The following LARGE1 variants were observed in gnomAD, a reference collection of about 807,000 sequenced individuals.
LARGE1 encodes the protein LARGE xylosyl- and glucuronyltransferase 1.
A neutral mutation model predicts 87.6 loss-of-function variants in LARGE1; 43 were observed. The observed-to-expected ratio is 0.49, with a 90% confidence interval of 0.38 to 0.63. The LOEUF (loss-of-function observed/expected upper bound fraction) is 0.63, where lower values mean the gene tolerates loss of function less well. Ranked by LOEUF, LARGE1 falls within the 30% of genes least tolerant of loss-of-function variation. LARGE1 has a pLI of 0.00. For missense variants in LARGE1, 802 were observed against 1,000.2 expected (o/e 0.80, Z 2.67); for synonymous variants, 434 against 394.6 (o/e 1.10, Z -1.18).
At position 33,655,366 on chromosome 22, in the gene LARGE1, G is replaced by A. The variant is rs150693505; in HGVS notation, c.107-4698C>T. Among the ~76,000 whole-genome samples the A allele has an allele frequency of 2.3e-3, 347 of 152,150 alleles. 3 individuals are homozygous for A. Among genetic ancestry groups the A allele is most frequent in the Middle Eastern group, 0.01 (3 of 294 alleles). On this transcript the variant is annotated intron_variant, in intron 2 of 14. Transcript: ENST00000397394. ...TGAATTGGGACATCATCTTTTTCTTGCCTTCAAACTCAAACTGAATCACCA... is the reference window on the plus strand; with the variant it reads ...TGAATTGGGACATCATCTTTTTCTTACCTTCAAACTCAAACTGAATCACCA...
At chr22:33,333,978 C>G (rs941676819) in intron 10 of LARGE1, among the ~76,000 whole-genome samples, 2 of 151,824 alleles carry the variant, frequency 1.3e-5, no homozygotes, top group Non-Finnish European at 2.9e-5. Context: ...AAAAGTTAGC[C>G]GGGTATGGTG....
chr22:33,537,992 A>G (rs1025566800), intron 6 of LARGE1, among the ~76,000 whole-genome samples: 13 of 152,128 alleles, frequency 8.5e-5, no homozygotes, highest in African/African-American at 2.7e-4. Context: ...CCTAAGTCCT[A>G]TGTCTCTGAG....
chr22:33,143,373 A>G, the LARGE1 span, among the ~76,000 whole-genome samples: 5 of 152,216 alleles, frequency 3.3e-5, no homozygotes, highest in Non-Finnish European at 7.3e-5. Flanking sequence ...AAATATTGAA[A>G]GAAATCAATG....
intron 11 of LARGE1, among the ~76,000 whole-genome samples, chr22:33,171,685 A>AT (rs570610118): frequency 6.5e-4 from 99 of 152,324 alleles, no homozygotes; most frequent in Admixed American, 2.2e-3. Context: ...TGCGCAGAAG[A>AT]TAAGAGCTGA....
chr22:33,130,186 C>T, the LARGE1 span, among the ~76,000 whole-genome samples: 2 of 151,160 alleles, frequency 1.3e-5, no homozygotes, highest in Admixed American at 6.6e-5. Context: ...TGGTGGTGGG[C>T]GCCTGTAGTC....
chr22:33,826,020 C>T (rs983438081), intron 1 of LARGE1, among the ~76,000 whole-genome samples: 1 of 152,188 alleles, frequency 6.6e-6, no homozygotes, highest in Non-Finnish European at 1.5e-5. Flanking sequence ...GAGAGACCCG[C>T]TGTCCAGATC....
chr22:33,870,018 C>A (rs2064227254), intron 1 of LARGE1, among the ~76,000 whole-genome samples: 1 of 152,162 alleles, frequency 6.6e-6, no homozygotes, highest in East Asian at 1.9e-4. Flanking sequence ...GAAGTCCTAA[C>A]CCCACTCAGA....
intron 2 of LARGE1, among the ~76,000 whole-genome samples, chr22:33,657,939 A>G: frequency 7.3e-6 from 1 of 137,200 alleles, no homozygotes; most frequent in African/African-American, 3.3e-5. Context: ...TGACTAATGA[A>G]AAAAAAAAAA....
intron 11 of LARGE1, among the ~76,000 whole-genome samples, chr22:33,224,970 C>G (rs998091618): frequency 2.6e-5 from 4 of 152,234 alleles, no homozygotes; most frequent in African/African-American, 9.6e-5. Flanking sequence ...ACAGACCCTG[C>G]TGGGTAGGCA....
chr22:33,547,273 A>G (rs1266235227), intron 6 of LARGE1, among the ~76,000 whole-genome samples: 3 of 152,158 alleles, frequency 2.0e-5, no homozygotes, highest in Non-Finnish European at 1.5e-5. Context: ...TCCACCTTAG[A>G]TATCAGATAA....
chr22:33,683,088 A>G (rs959195701), intron 2 of LARGE1, among the ~76,000 whole-genome samples: 16 of 152,246 alleles, frequency 1.1e-4, no homozygotes, highest in Non-Finnish European at 2.4e-4. Flanking sequence ...TATACGATGC[A>G]ATCTGTCATG....
chr22:33,424,830 C>T (rs909916563), intron 7 of LARGE1, among the ~76,000 whole-genome samples: 9 of 152,064 alleles, frequency 5.9e-5, no homozygotes, highest in Non-Finnish European at 1.2e-4. Context: ...ACTGACAGAG[C>T]AAGACCCTAT....
intron 4 of LARGE1, among the ~76,000 whole-genome samples, chr22:33,606,434 A>AAATAAAATAC (rs1299267079): frequency 6.6e-6 from 1 of 151,284 alleles, no homozygotes; most frequent in Non-Finnish European, 1.5e-5. Context: ...AAATGAAATA[A>AAATAAAATAC]AATAAAATAA....
chr22:33,292,882 T>A (rs544074586), intron 12 of LARGE1, among the ~76,000 whole-genome samples: 1 of 152,236 alleles, frequency 6.6e-6, no homozygotes, highest in East Asian at 1.9e-4. Flanking sequence ...TTTGTTTCCT[T>A]ATCTTGATAA....
intron 11 of LARGE1, among the ~76,000 whole-genome samples, chr22:33,195,376 A>G (rs1162091716): frequency 3.9e-5 from 6 of 152,172 alleles, no homozygotes; most frequent in Non-Finnish European, 8.8e-5. Flanking sequence ...ATTGCAGAAT[A>G]CATATTAATT....
Position 33,483,982 on chromosome 22 carries a change from T to A in LARGE1, c.788-51717A>T, listed in dbSNP as rs576823893. 1.3e-3 allele frequency among the ~76,000 whole-genome samples: 200 copies of A among 152,268 alleles called. 1 individual carries two copies. Among genetic ancestry groups the A allele is most frequent in the African/African-American group, 4.5e-3 (189 of 41,552 alleles). On this transcript the variant is annotated intron_variant, in intron 6 of 14. Coordinates refer to ENST00000397394, the MANE Select transcript of LARGE1 (RefSeq NM_133642.5). ...TTGACGGCCGGAAGTTTAGACTTTC[T>A]GGGAATCCTTGAGCATACGGGGTGC...
intron 10 of LARGE1, among the ~76,000 whole-genome samples, chr22:33,329,537 G>A (rs1937515739): frequency 6.6e-6 from 1 of 152,038 alleles, no homozygotes; most frequent in South Asian, 2.1e-4. Flanking sequence ...ACAGCTGTCA[G>A]AAAGGAATCC....
chr22:33,084,302 T>C, the LARGE1 span, among the ~76,000 whole-genome samples: 1 of 152,114 alleles, frequency 6.6e-6, no homozygotes, highest in Non-Finnish European at 1.5e-5. Context: ...TGTGTTTAGT[T>C]TTCTGCTTGA....
intron 1 of LARGE1, among the ~76,000 whole-genome samples, chr22:33,766,969 C>T (rs1431845324): frequency 9.6e-5 from 6 of 62,270 alleles, no homozygotes; most frequent in Non-Finnish European, 1.7e-4. Context: ...TATATATATA[C>T]TTCCTGAAAT....
Sources: gnomAD v4.1 joint callset for allele counts (sites outside exome capture counted in the v4.1 genomes callset) on GRCh38, gnomAD v4.1.1 for gene constraint, MANE v1.5 for transcripts, NCBI Gene and HGNC (gene_info 2026-07-23, HGNC 2026-07-21) for gene names.